Variants in DAPK1 observed in about 807,000 individuals in gnomAD.
The protein encoded by DAPK1 is death associated protein kinase 1.
In DAPK1, 56 loss-of-function variants were observed where a neutral mutation model predicts 144.9. The ratio of observed to expected loss-of-function variants is 0.39; its 90% CI spans 0.31 to 0.48. The LOEUF (loss-of-function observed/expected upper bound fraction) is 0.48. DAPK1 is among the 20% of genes least tolerant of loss of function. The pLI is 0.95. For missense variants in DAPK1, 1,454 were observed against 1,875.4 expected, an observed-to-expected ratio of 0.78 and a Z score of 4.15; for synonymous variants, 690 against 749.0, an observed-to-expected ratio of 0.92 and a Z score of 1.29.
intron 15 of DAPK1, among the ~76,000 whole-genome samples, chr9:87,649,376 G>T (rs1463832942): frequency 6.6e-6 from 1 of 152,198 alleles, no homozygotes; most frequent in East Asian, 1.9e-4. Context: ...CCCTTGACTT[G>T]TTCAAGTGTG....
chr9:87,684,182 G>A lies in DAPK1; in HGVS notation c.2225-2369G>A, dbSNP rs541391222. On this transcript the variant is annotated intron_variant, in intron 20 of 25. Transcript: ENST00000408954. The stretch of plus-strand genomic sequence containing the variant: ...GGCGGCCTGGGGAGATTGGACTTTG[G>A]CAGAGGGTATGTGTGTTGGGGGCCA... Among the ~76,000 whole-genome samples, 12 of 152,352 alleles carry A rather than the reference G, an allele frequency of 7.9e-5. No individual in the cohort carries two copies. In the South Asian group the frequency reaches 2.5e-3, roughly 32 times the overall value.
rs36214022 is a variant in DAPK1 at position 87,651,672 on chromosome 9, C to A, written c.1772C>A (p.Pro591His). Residue 591 changes from proline to histidine, a missense_variant, in exon 17 of 26, where the codon CCT becomes CAT. Transcript: ENST00000408954. ...LHVACKDGNM[P>H]IVVALCEANC... ...GTGGCATGTAAAGATGGCAACATGC[C>A]TATCGTGGTGGCCCTCTGTGAAGCA... 7 of 1,614,092 alleles carry A rather than the reference C, an allele frequency of 4.3e-6. No individual in the cohort carries two copies. The highest frequency in any genetic ancestry group is 5.1e-6 in the Non-Finnish European group (6 of 1,180,038).
intron 18 of DAPK1, among the ~76,000 whole-genome samples, chr9:87,663,368 C>A (rs1156753391): frequency 6.6e-6 from 1 of 152,112 alleles, no homozygotes; most frequent in Non-Finnish European, 1.5e-5. Context: ...TAGAACTTTC[C>A]CAGCCACCCC....
intron 2 of DAPK1, among the ~76,000 whole-genome samples, chr9:87,563,028 A>G: frequency 6.6e-6 from 1 of 152,168 alleles, no homozygotes; most frequent in Non-Finnish European, 1.5e-5. Context: ...GAGGGTGATG[A>G]TCCGCCTAGA....
chr9:87,628,535 A>G (rs548170435), intron 3 of DAPK1, among the ~76,000 whole-genome samples: 1 of 152,284 alleles, frequency 6.6e-6, no homozygotes, highest in South Asian at 2.1e-4. Flanking sequence ...GACCCAAGGA[A>G]CTGAAATTAG....
chr9:87,528,121 T>C (rs1222205086), intron 2 of DAPK1, among the ~76,000 whole-genome samples: 1 of 152,240 alleles, frequency 6.6e-6, no homozygotes. Context: ...CACTTGCCGA[T>C]GTGAATCAGA....
intron 3 of DAPK1, among the ~76,000 whole-genome samples, chr9:87,623,639 A>G (rs778914068): frequency 6.6e-6 from 1 of 152,050 alleles, no homozygotes; most frequent in Non-Finnish European, 1.5e-5. Flanking sequence ...TATGGGCTAG[A>G]GGGTGGGTTG....
In DAPK1 at chr9:87,599,748, A is replaced by G. The variant is rs115147847; in HGVS notation, c.63-5206A>G. On this transcript the variant is annotated intron_variant, in intron 2 of 25. Transcript: ENST00000408954. The stretch of plus-strand genomic sequence containing the variant: ...AAAAGTTGGTGTACAGTTGACTTTC[A>G]TTATGTGTGAGAGTTATTCTCTAGA... Among the ~76,000 whole-genome samples the G allele has an allele frequency of 2.2e-3, 340 of 152,332 alleles. 3 individuals are homozygous for G. Among genetic ancestry groups the G allele is most frequent in the African/African-American group, 7.9e-3 (330 of 41,578 alleles).
intron 2 of DAPK1, among the ~76,000 whole-genome samples, chr9:87,545,253 G>A (rs1270393365): frequency 6.6e-6 from 1 of 152,158 alleles, no homozygotes; most frequent in African/African-American, 2.4e-5. Flanking sequence ...CGGGTGCAGG[G>A]TTAGGAAGTG....
rs1055531445 is a variant in DAPK1, at chr9:87,499,137, C to G, written c.60C>G (p.Gly20=). Reference sequence around the variant, plus strand: ...ACTACGACACCGGCGAGGAACTTGGCAGGTAAAGGGGGTACCAGAAGCGTA... The same window carrying G: ...ACTACGACACCGGCGAGGAACTTGGGAGGTAAAGGGGGTACCAGAAGCGTA... The part of the protein sequence containing the change: ...DDYYDTGEEL[G]SGQFAVVKKC... The change falls in exon 2 of 26, where the codon GGC becomes GGG. Residue 20 remains glycine, a splice_region_variant and synonymous_variant. Transcript: ENST00000408954. 1 of 1,613,340 alleles carries G rather than the reference C, an allele frequency of 6.2e-7. No homozygotes were observed. The highest frequency in any genetic ancestry group is 1.3e-5 in the African/African-American group (1 of 74,964).
intron 14 of DAPK1, among the ~76,000 whole-genome samples, chr9:87,647,997 T>C (rs1006900765): frequency 6.6e-6 from 1 of 152,214 alleles, no homozygotes; most frequent in African/African-American, 2.4e-5. Context: ...TACCTACTCA[T>C]CCATTATTTA....
chr9:87,634,661 C>T (rs536124416), intron 3 of DAPK1, among the ~76,000 whole-genome samples: 28 of 152,272 alleles, frequency 1.8e-4, no homozygotes, highest in African/African-American at 6.3e-4. Context: ...GCTGTCAGAC[C>T]GTCTTCGGAA....
At chr9:87,590,009 C>G (rs986672846) in intron 2 of DAPK1, among the ~76,000 whole-genome samples, 6 of 152,128 alleles carry the variant, frequency 3.9e-5, no homozygotes, top group Non-Finnish European at 7.4e-5. Flanking sequence ...CCAATTGGGG[C>G]AAGGGGAAAG....
chr9:87,546,614 A>C (rs1393230646), intron 2 of DAPK1, among the ~76,000 whole-genome samples: 2 of 152,216 alleles, frequency 1.3e-5, no homozygotes. Flanking sequence ...TCAAACATGC[A>C]GAAAACAGAG....
intron 21 of DAPK1, among the ~76,000 whole-genome samples, chr9:87,692,286 C>T (rs1825085987): frequency 6.6e-6 from 1 of 151,170 alleles, no homozygotes; most frequent in Non-Finnish European, 1.5e-5. Flanking sequence ...GATATAAGTA[C>T]AGCAACTTTC....
intron 2 of DAPK1, among the ~76,000 whole-genome samples, chr9:87,595,593 G>A (rs12551072): frequency 5.9e-5 from 9 of 152,178 alleles, no homozygotes; most frequent in African/African-American, 1.7e-4. Flanking sequence ...TTGTCCCCAC[G>A]TGCAATACCA....
chr9:87,646,603 T>C (rs189739944), intron 13 of DAPK1, 44 bp downstream of exon 13: 1,001 of 1,501,402 alleles, frequency 6.7e-4, no homozygotes, highest in Non-Finnish European at 8.5e-4. Flanking sequence ...TAAAGTATTT[T>C]CAAGTGTCTC....
chr9:87,602,192 T>G (rs1241584377), intron 2 of DAPK1, among the ~76,000 whole-genome samples: 1 of 151,984 alleles, frequency 6.6e-6, no homozygotes, highest in Non-Finnish European at 1.5e-5. Context: ...TTGCAGTAGG[T>G]CTAGAACAAG....
chr9:87,615,917 C>T (rs1382633898), intron 3 of DAPK1, among the ~76,000 whole-genome samples: 1 of 152,258 alleles, frequency 6.6e-6, no homozygotes, highest in Non-Finnish European at 1.5e-5. Context: ...CCCTAGGATT[C>T]TGCTAAGCCA....
Sources: gnomAD v4.1 joint callset for allele counts (sites outside exome capture counted in the v4.1 genomes callset) on GRCh38, gnomAD v4.1.1 for gene constraint, MANE v1.5 for transcripts, NCBI Gene and HGNC (gene_info 2026-07-23, HGNC 2026-07-21) for gene names.